Variants in PTPRT observed in about 807,000 individuals in gnomAD.
PTPRT encodes receptor-type tyrosine-protein phosphatase T.
A neutral mutation model predicts 176.8 loss-of-function variants in PTPRT; 56 were observed. The ratio of observed to expected loss-of-function variants is 0.32; its 90% confidence interval spans 0.26 to 0.40. The LOEUF is 0.40. Ranked by LOEUF, PTPRT falls within the 10% of genes least tolerant of loss-of-function variation. PTPRT has a pLI of 1.00. For missense variants in PTPRT, 1,540 were observed against 1,908.2 expected, an observed-to-expected ratio of 0.81 and a Z score of 3.60; for synonymous variants, 783 against 739.0, an observed-to-expected ratio of 1.06 and a Z score of -0.96.
the PTPRT span, among the ~76,000 whole-genome samples, chr20:42,059,969 T>C: frequency 6.6e-6 from 1 of 152,208 alleles, no homozygotes; most frequent in South Asian, 2.1e-4. Flanking sequence ...CCAGGGCCCT[T>C]CTTGTCTCCT....
intron 1 of PTPRT, among the ~76,000 whole-genome samples, chr20:42,901,721 T>G (rs1479995064): frequency 1.3e-5 from 2 of 152,122 alleles, no homozygotes; most frequent in Non-Finnish European, 2.9e-5. Flanking sequence ...CCCTCCTCTC[T>G]GGGTGTCACT....
intron 16 of PTPRT, among the ~76,000 whole-genome samples, chr20:42,174,496 T>C (rs577459724): frequency 1.3e-5 from 2 of 152,290 alleles, no homozygotes; most frequent in Admixed American, 6.5e-5. Flanking sequence ...GATAGATCCA[T>C]GTGGACTCAC....
intron 17 of PTPRT, among the ~76,000 whole-genome samples, chr20:42,147,692 T>C (rs1258552375): frequency 1.3e-5 from 2 of 152,006 alleles, no homozygotes; most frequent in African/African-American, 4.8e-5. Flanking sequence ...AACAAAACAG[T>C]TGTGATAAGT....
chr20:43,121,969 C>T (rs2013277008), intron 1 of PTPRT, among the ~76,000 whole-genome samples: 1 of 152,160 alleles, frequency 6.6e-6, no homozygotes, highest in African/African-American at 2.4e-5. Flanking sequence ...AGTGGCTGAA[C>T]CAAAATTCAA....
intron 1 of PTPRT, among the ~76,000 whole-genome samples, chr20:42,952,513 C>T (rs1447791368): frequency 1.3e-5 from 2 of 152,222 alleles, no homozygotes; most frequent in African/African-American, 4.8e-5. Flanking sequence ...TTACCCTAGG[C>T]AATCTGCACA....
chr20:42,454,633 CAT>C (rs1325359476), intron 8 of PTPRT, among the ~76,000 whole-genome samples: 1 of 152,152 alleles, frequency 6.6e-6, no homozygotes, highest in Non-Finnish European at 1.5e-5. Context: ...TTTCCTGTTG[CAT>C]ATGTTTGATA....
At chr20:42,493,245 T>C (rs1248669221) in intron 7 of PTPRT, among the ~76,000 whole-genome samples, 2 of 152,202 alleles carry the variant, frequency 1.3e-5, no homozygotes, top group African/African-American at 4.8e-5. Flanking sequence ...GCAGCCAGAA[T>C]GGCAGAGCTG....
intron 3 of PTPRT, among the ~76,000 whole-genome samples, chr20:42,789,595 C>A (rs531123000): frequency 6.6e-6 from 1 of 152,234 alleles, no homozygotes; most frequent in East Asian, 1.9e-4. Flanking sequence ...TGATAAACAC[C>A]CAATGAACGG....
At chr20:42,394,039 G>A (rs6030206) in intron 9 of PTPRT, among the ~76,000 whole-genome samples, 1 of 145,108 alleles carries the variant, frequency 6.9e-6, no homozygotes, top group Non-Finnish European at 1.5e-5. Flanking sequence ...AGATGTGACA[G>A]GTCTTTTTTT....
chr20:42,517,983 T>C (rs577768385), intron 7 of PTPRT, among the ~76,000 whole-genome samples: 1 of 152,084 alleles, frequency 6.6e-6, no homozygotes, highest in Non-Finnish European at 1.5e-5. Flanking sequence ...TGATAGTATA[T>C]ATTCTCCTGA....
At position 42,115,251 on chromosome 20, in the gene PTPRT, A is replaced by G. The variant is rs770232034; in HGVS notation, c.3047T>C (p.Ile1016Thr). ...EVYGDIKVTL[I>T]ETEPLAEYVI... ...GTATTCTGCCAGGGGCTCTGTTTCA[A>G]TCAGGGTGACTTTAATGTCTCCGTA... Residue 1016 changes from isoleucine to threonine, a missense_variant, in exon 22 of 31, where the codon ATT becomes ACT. Coordinates refer to ENST00000373187, the MANE Select transcript of PTPRT (RefSeq NM_007050.6). The G allele has an allele frequency of 2.0e-5, 32 of 1,614,044 alleles. No homozygotes were observed. Among genetic ancestry groups the G allele is most frequent in the Non-Finnish European group, 2.5e-5 (30 of 1,180,016 alleles).
intron 6 of PTPRT, among the ~76,000 whole-genome samples, chr20:42,710,983 G>T (rs143098088): frequency 4.1e-4 from 63 of 152,332 alleles, no homozygotes; most frequent in African/African-American, 1.4e-3. Context: ...GCCCTGCTGG[G>T]TTCCAGACTT....
At chr20:43,101,821 A>T (rs1190621071) in intron 1 of PTPRT, among the ~76,000 whole-genome samples, 2 of 152,190 alleles carry the variant, frequency 1.3e-5, no homozygotes, top group Non-Finnish European at 2.9e-5. Flanking sequence ...AGAGGGCAAA[A>T]ACAATCAAGG....
intron 1 of PTPRT, among the ~76,000 whole-genome samples, chr20:43,188,418 C>A (rs1381287216): frequency 6.6e-6 from 1 of 152,212 alleles, no homozygotes; most frequent in Admixed American, 6.5e-5. Context: ...GGCTCTAAAG[C>A]ATTTCCAACG....
intron 5 of PTPRT, among the ~76,000 whole-genome samples, chr20:42,767,393 G>T (rs1318113868): frequency 6.6e-6 from 1 of 152,006 alleles, no homozygotes; most frequent in Non-Finnish European, 1.5e-5. Context: ...CTCCCTGACT[G>T]CTTGAGTTGG....
At chr20:42,530,144 G>A (rs1227387944) in intron 7 of PTPRT, among the ~76,000 whole-genome samples, 3 of 152,214 alleles carry the variant, frequency 2.0e-5, no homozygotes, top group Non-Finnish European at 2.9e-5. Context: ...GAGAAGGCTT[G>A]TACATAGGCC....
chr20:42,978,607 A>C (rs1482786465), intron 1 of PTPRT, among the ~76,000 whole-genome samples: 2 of 152,170 alleles, frequency 1.3e-5, no homozygotes, highest in Non-Finnish European at 2.9e-5. Context: ...CAGACGGTTA[A>C]GGCAGTCTAA....
intron 16 of PTPRT, among the ~76,000 whole-genome samples, chr20:42,192,257 C>T (rs1298695042): frequency 6.6e-6 from 1 of 152,120 alleles, no homozygotes; most frequent in East Asian, 1.9e-4. Flanking sequence ...AGCCAGCTGG[C>T]CATTTTCCTG....
intron 16 of PTPRT, among the ~76,000 whole-genome samples, chr20:42,180,606 G>T (rs1568648219): frequency 6.6e-6 from 1 of 152,162 alleles, no homozygotes; most frequent in Non-Finnish European, 1.5e-5. Flanking sequence ...CTTCACTGAT[G>T]TATATTAAAA....
Sources: allele counts gnomAD v4.1 joint callset (sites outside exome capture counted in the v4.1 genomes callset), GRCh38; gene constraint gnomAD v4.1.1; transcripts MANE v1.5; gene names NCBI Gene and HGNC (gene_info 2026-07-23, HGNC 2026-07-21).